SPOCK1: variants seen among roughly 807,000 people sequenced by gnomAD.
SPOCK1 encodes testican-1.
SPOCK1 carries 23 observed loss-of-function variants against 55.3 expected under a neutral mutation model. The observed-to-expected ratio is 0.42, with a 90% CI of 0.30 to 0.59. The LOEUF is 0.59. Among genes scored for constraint, SPOCK1 ranks in the 20% least tolerant of loss-of-function variants. The pLI is 0.22. For missense variants in SPOCK1, 499 were observed against 552.5 expected (o/e 0.90, Z 0.97); for synonymous variants, 226 against 221.0 (o/e 1.02, Z -0.20).
Position 137,246,212 on chromosome 5 carries a change from T to C in SPOCK1, c.232+20798A>G, listed in dbSNP as rs548188452. 2.8e-4 allele frequency among the ~76,000 whole-genome samples: 43 copies of C among 152,344 alleles called. 1 individual carries two copies. Among genetic ancestry groups the C allele is most frequent in the Non-Finnish European group, 4.4e-4 (30 of 68,032 alleles). ...GAATTCTCACTATCCACTTAATCAC[T>C]GTGTACCCTTAGCAACATTTTTAAT... On this transcript the variant is annotated intron_variant, in intron 3 of 10. Coordinates refer to ENST00000394945, the MANE Select transcript of SPOCK1 (RefSeq NM_004598.4).
At chr5:137,137,430 G>A (rs919146134) in intron 4 of SPOCK1, among the ~76,000 whole-genome samples, 2 of 152,190 alleles carry the variant, frequency 1.3e-5, no homozygotes, top group Non-Finnish European at 2.9e-5. Context: ...CTTCAAAGAG[G>A]TATGCACTCA....
At chr5:137,414,732 A>T (rs1056157021) in intron 2 of SPOCK1, among the ~76,000 whole-genome samples, 2 of 152,348 alleles carry the variant, frequency 1.3e-5, no homozygotes, top group South Asian at 4.1e-4. Context: ...AATTCCTGAA[A>T]TAAGCACTCT....
intron 3 of SPOCK1, among the ~76,000 whole-genome samples, chr5:137,238,302 C>A (rs946355495): frequency 3.9e-5 from 6 of 152,222 alleles, no homozygotes; most frequent in Non-Finnish European, 8.8e-5. Flanking sequence ...ATTTTCAGTA[C>A]TGGCTGAAAT....
chr5:136,985,146 G>C lies in SPOCK1; in HGVS notation c.985C>G (p.Leu329Val). 1 of 1,614,078 alleles carries C rather than the reference G, an allele frequency of 6.2e-7. No homozygotes were observed. ...GGCAAGAAATTGTACTTACCCAACA[G>C]GCTTTTCCCCTTACTCAGCTTCTGA... ...RIQKLSKGKS[L>V]LGAFIPRCNE... The change falls in exon 9 of 11, where the codon CTG (leucine) becomes GTG (valine). Residue 329 changes from leucine (L) to valine (V), a missense_variant. Transcript: ENST00000394945.
chr5:137,261,115 T>TA (rs573974632), intron 3 of SPOCK1, among the ~76,000 whole-genome samples: 16 of 152,084 alleles, frequency 1.1e-4, no homozygotes, highest in Non-Finnish European at 2.1e-4. Context: ...AACAAATTCT[T>TA]AAAAAAACTG....
intron 6 of SPOCK1, among the ~76,000 whole-genome samples, chr5:137,014,502 G>A (rs975316429): frequency 2.0e-5 from 3 of 152,034 alleles, no homozygotes; most frequent in South Asian, 2.1e-4. Flanking sequence ...GAAATCTTTC[G>A]GCATCAAGAT....
At chr5:137,031,986 C>G (rs574653480) in intron 6 of SPOCK1, among the ~76,000 whole-genome samples, 1 of 147,964 alleles carries the variant, frequency 6.8e-6, no homozygotes, top group African/African-American at 2.5e-5. Context: ...TATACACACA[C>G]GCATATACAT....
intron 3 of SPOCK1, among the ~76,000 whole-genome samples, chr5:137,193,304 G>A (rs1232870787): frequency 6.6e-6 from 1 of 152,132 alleles, no homozygotes; most frequent in Non-Finnish European, 1.5e-5. Context: ...AAGAAACCTG[G>A]GATATGCCTG....
chr5:137,160,540 A>ACAT (rs1754511379), intron 3 of SPOCK1, among the ~76,000 whole-genome samples: 1 of 49,580 alleles, frequency 2.0e-5, no homozygotes, highest in African/African-American at 8.8e-5. Flanking sequence ...AAAAATATAT[A>ACAT]ATATATATAA....
chr5:137,374,612 T>C (rs187415723), intron 2 of SPOCK1, among the ~76,000 whole-genome samples: 2 of 152,286 alleles, frequency 1.3e-5, no homozygotes, highest in East Asian at 1.9e-4. Flanking sequence ...GGCTTTCTGA[T>C]GGTGCCCCAG....
intron 2 of SPOCK1, among the ~76,000 whole-genome samples, chr5:137,410,263 T>C (rs756861287): frequency 1.3e-5 from 2 of 152,220 alleles, no homozygotes; most frequent in African/African-American, 2.4e-5. Flanking sequence ...TTTTCCCTTA[T>C]CTAGACACTC....
intron 2 of SPOCK1, among the ~76,000 whole-genome samples, chr5:137,402,485 A>G (rs921021785): frequency 1.3e-5 from 2 of 152,234 alleles, no homozygotes; most frequent in African/African-American, 4.8e-5. Context: ...CTGAGGCAAT[A>G]GTTGGCCTAT....
chr5:137,398,983 T>A (rs1377303821), intron 2 of SPOCK1, among the ~76,000 whole-genome samples: 1 of 152,064 alleles, frequency 6.6e-6, no homozygotes, highest in African/African-American at 2.4e-5. Context: ...GCCAAATGAA[T>A]TGGAGTGAGG....
rs1024136011 is a variant in SPOCK1, at chr5:136,977,731, G to A, written c.*923C>T. 3 of 398,822 alleles carry A rather than the reference G, an allele frequency of 7.5e-6. No individual in the cohort carries two copies. The Admixed American group carries it at 1.3e-4, about 18-fold the overall frequency. The allele number at this position is 398,822 out of a possible 1,614,324, so 24.7% of individuals were successfully genotyped here. ...GGCTTCTGCGAGAAAAGTGATTTAG[G>A]CAGACGGAGGTTTTTTCTCAATCAG... is the stretch of plus-strand genomic sequence containing the variant. On this transcript the variant is annotated 3_prime_UTR_variant, in exon 11 of 11. Coordinates refer to ENST00000394945, the MANE Select transcript of SPOCK1 (RefSeq NM_004598.4).
At chr5:137,497,847 A>AAC (rs113944229) in intron 2 of SPOCK1, among the ~76,000 whole-genome samples, 12,067 of 149,434 alleles carry the variant, frequency 0.081, 873 homozygotes, top group African/African-American at 0.2. Context: ...CGCCTCCCTC[A>AAC]ACACACACAC....
At chr5:137,348,776 G>C (rs1241160186) in intron 2 of SPOCK1, among the ~76,000 whole-genome samples, 5 of 152,160 alleles carry the variant, frequency 3.3e-5, no homozygotes, top group African/African-American at 4.8e-5. Context: ...TCAAATCACT[G>C]TCTAGAGAAA....
chr5:137,187,299 C>T (rs1755088271), intron 3 of SPOCK1, among the ~76,000 whole-genome samples: 1 of 152,192 alleles, frequency 6.6e-6, no homozygotes, highest in Non-Finnish European at 1.5e-5. Context: ...TCACTGGAAA[C>T]AGAGCAGCAA....
intron 2 of SPOCK1, among the ~76,000 whole-genome samples, chr5:137,400,725 G>C (rs963083114): frequency 6.6e-6 from 1 of 152,162 alleles, no homozygotes; most frequent in East Asian, 1.9e-4. Flanking sequence ...CAGAACTTTA[G>C]CGGGCCCTTG....
intron 5 of SPOCK1, among the ~76,000 whole-genome samples, chr5:137,082,579 T>G (rs1361360184): frequency 6.6e-6 from 1 of 152,182 alleles, no homozygotes; most frequent in Non-Finnish European, 1.5e-5. Context: ...TGGATGAGGA[T>G]GCATAACAAG....
Sources: gnomAD v4.1 joint callset for allele counts (sites outside exome capture counted in the v4.1 genomes callset) on GRCh38, gnomAD v4.1.1 for gene constraint, MANE v1.5 for transcripts, NCBI Gene and HGNC (gene_info 2026-07-23, HGNC 2026-07-21) for gene names.